GTSE1: variants seen among roughly 807,000 people sequenced by gnomAD.
The protein encoded by GTSE1 is G2 and S phase-expressed protein 1.
Under a neutral mutation model 60.5 loss-of-function variants are expected in GTSE1, and 52 were observed. The ratio of observed to expected loss-of-function variants is 0.86; its 90% confidence interval spans 0.69 to 1.08. GTSE1 has a LOEUF of 1.08. Among genes scored for constraint, GTSE1 ranks in the 50% least tolerant of loss-of-function variants. GTSE1 has a pLI of 0.00. For synonymous variants in GTSE1, 368 were observed against 386.5 expected, an observed-to-expected ratio of 0.95 and a Z score of 0.56; for missense variants, 937 against 961.8, an observed-to-expected ratio of 0.97 and a Z score of 0.34.
chr22:46,300,183 C>T (rs562792367), intron 2 of GTSE1, among the ~76,000 whole-genome samples: 2 of 151,812 alleles, frequency 1.3e-5, no homozygotes, highest in African/African-American at 2.4e-5. Flanking sequence ...CTGCAACCTC[C>T]GTCTCCTGGG....
chr22:46,311,876 A>G (rs937963438), intron 4 of GTSE1, among the ~76,000 whole-genome samples: 3 of 152,208 alleles, frequency 2.0e-5, no homozygotes, highest in Non-Finnish European at 2.9e-5. Flanking sequence ...GGCTTTAGAG[A>G]ACCTCTCTCC....
In GTSE1 at chr22:46,308,936, C is replaced by T. The variant is rs147669373; in HGVS notation, c.755C>T (p.Ala252Val). Residue 252 changes from alanine to valine, a missense_variant, in exon 4 of 12, where the codon GCG becomes GTG. Coordinates refer to ENST00000454366, the MANE Select transcript of GTSE1 (RefSeq NM_016426.7). ...AGAGGAAGAAGCATCCCTGGGGCTG[C>T]GGAGAAGGTAAATGCCACAGCAGAG... is the stretch of plus-strand genomic sequence containing the variant. ...SVRGRSIPGAAEKPKKEIPAS... is the reference protein window; with the variant it reads ...SVRGRSIPGAVEKPKKEIPAS... The T allele has an allele frequency of 6.1e-4, 989 of 1,608,316 alleles. 1 individual carries two copies. The highest frequency in any genetic ancestry group is 9.4e-4 in the Admixed American group (56 of 59,710).
intron 7 of GTSE1, among the ~76,000 whole-genome samples, chr22:46,322,644 G>A (rs2077820042): frequency 6.6e-6 from 1 of 152,146 alleles, no homozygotes. Flanking sequence ...TTTTCATCCT[G>A]TTGTGAATAT....
chr22:46,308,774 G>T lies in GTSE1; in HGVS notation c.593G>T (p.Arg198Leu), dbSNP rs201133511. The T allele has an allele frequency of 1.2e-6, 2 of 1,613,060 alleles. No individual in the cohort carries two copies. The highest frequency in any genetic ancestry group is 1.7e-6 in the Non-Finnish European group (2 of 1,179,960). The stretch of plus-strand genomic sequence containing the variant: ...CTGCCCAGCTCTGGTGCCCAGGCCC[G>T]CCTCACCCGGGCGCCGGGGCCTCCG... ...PALPSSGAQARLTRAPGPPHS... is the reference protein window; with the variant it reads ...PALPSSGAQALLTRAPGPPHS... The change falls in exon 4 of 12, where the codon CGC becomes CTC. Residue 198 changes from arginine to leucine, a missense_variant. Arg to Leu is a moderately radical substitution (Grantham distance 102). Transcript: ENST00000454366.
intron 9 of GTSE1, among the ~76,000 whole-genome samples, chr22:46,328,253 T>G (rs2077855022): frequency 6.6e-6 from 1 of 152,138 alleles, no homozygotes; most frequent in South Asian, 2.1e-4. Context: ...ATCAGGGCAC[T>G]GGGCAGCAGG....
chr22:46,303,538 G>A (rs375995804), intron 2 of GTSE1, among the ~76,000 whole-genome samples: 1 of 152,188 alleles, frequency 6.6e-6, no homozygotes, highest in African/African-American at 2.4e-5. Flanking sequence ...TTGCCTGACT[G>A]TGTTGCTTTA....
rs1213690247 is a variant in GTSE1, at chr22:46,329,769, C to T, written c.2136+202C>T. On this transcript the variant is annotated intron_variant, in intron 11 of 11. Coordinates refer to ENST00000454366, the MANE Select transcript of GTSE1 (RefSeq NM_016426.7). The surrounding 1 kb of genome is among the most constrained non-coding windows in gnomAD (Gnocchi z 6.4). ...TCTGAGGTGCCCTGCCAGGACCCTGCCAGCTCTTGTTGGACAGGGACCGCC... is the reference window on the plus strand; with the variant it reads ...TCTGAGGTGCCCTGCCAGGACCCTGTCAGCTCTTGTTGGACAGGGACCGCC... 6.6e-6 allele frequency among the ~76,000 whole-genome samples: 1 copy of T among 152,190 alleles called. No homozygotes were observed. The highest frequency in any genetic ancestry group is 2.4e-5 in the African/African-American group (1 of 41,452).
intron 2 of GTSE1, among the ~76,000 whole-genome samples, chr22:46,306,658 C>T (rs2077717260): frequency 6.6e-6 from 1 of 151,686 alleles, no homozygotes; most frequent in South Asian, 2.1e-4. Flanking sequence ...TTTTTTTATT[C>T]TTTATTTTTG....
chr22:46,299,737 T>TA (rs1235350867), intron 2 of GTSE1, among the ~76,000 whole-genome samples: 2 of 152,224 alleles, frequency 1.3e-5, no homozygotes, highest in Non-Finnish European at 2.9e-5. Flanking sequence ...TTCTACACAG[T>TA]AACGTCACCT....
chr22:46,301,782 C>G (rs900405347), intron 2 of GTSE1, among the ~76,000 whole-genome samples: 13 of 152,144 alleles, frequency 8.5e-5, no homozygotes, highest in African/African-American at 2.9e-4. Context: ...AGCCACAGCG[C>G]CCAGCCTCAT....
rs1401132320 is a variant in GTSE1, at chr22:46,297,750, A to G, written c.79+271A>G. On this transcript the variant is annotated intron_variant, in intron 2 of 11. Coordinates refer to ENST00000454366, the MANE Select transcript of GTSE1 (RefSeq NM_016426.7). The surrounding 1 kb of genome is among the most constrained non-coding windows in gnomAD (Gnocchi z 4.9). Reference sequence around the variant, plus strand: ...ACACTTTGTGGGCTCTCAAATATTTATTGTATTGAATTCGATGTTTTCTTT... The same window carrying G: ...ACACTTTGTGGGCTCTCAAATATTTGTTGTATTGAATTCGATGTTTTCTTT... Among the ~76,000 whole-genome samples, 3 of 151,958 alleles carry G rather than the reference A, an allele frequency of 2.0e-5. 1 individual carries two copies. In the South Asian group the frequency reaches 6.2e-4, roughly 32 times the overall value.
At position 46,326,517 on chromosome 22, in the gene GTSE1, C is replaced by G. The variant is rs371932078; in HGVS notation, c.1587C>G (p.Ala529=). 7 of 1,614,076 alleles carry G rather than the reference C, an allele frequency of 4.3e-6. No individual in the cohort carries two copies. In the African/African-American group the frequency reaches 8.0e-5, roughly 18 times the overall value. ...TGCTGAGCGCATGGCGTGTGTCAGC[C>G]TTGCCCACACCCGCCAGCCGGCGCT... ...QSLLSAWRVS[A]LPTPASRRCS... The change falls in exon 9 of 12, where the codon GCC becomes GCG. Residue 529 remains alanine, a synonymous_variant. Coordinates refer to ENST00000454366, the MANE Select transcript of GTSE1 (RefSeq NM_016426.7).
At chr22:46,307,553 G>C (rs974973279) in intron 2 of GTSE1, among the ~76,000 whole-genome samples, 1 of 151,954 alleles carries the variant, frequency 6.6e-6, no homozygotes, top group East Asian at 1.9e-4. Flanking sequence ...ACCCAGGCTG[G>C]AGTGCAGTGG....
rs2077725719 is a variant in GTSE1, at chr22:46,308,155, C to A, written c.85C>A (p.Leu29Ile). The A allele has an allele frequency of 6.2e-7, 1 of 1,609,538 alleles. No individual in the cohort carries two copies. The highest frequency in any genetic ancestry group is 8.5e-7 in the Non-Finnish European group (1 of 1,176,018). Reference protein sequence around the residue: ...NMDDPKKEDILLLADEKFDFD... With the variant: ...NMDDPKKEDIILLADEKFDFD... Reference sequence around the variant, plus strand: ...AGTGGATTTTTTCCCTCTAGACATTCTTCTTTTGGCCGATGAAAAATTTGA... The same window carrying A: ...AGTGGATTTTTTCCCTCTAGACATTATTCTTTTGGCCGATGAAAAATTTGA... The change falls in exon 3 of 12, where the codon CTT becomes ATT. Residue 29 changes from leucine to isoleucine, a missense_variant. Physicochemically the swap from Leu to Ile is conservative, Grantham distance 5. Coordinates refer to ENST00000454366, the MANE Select transcript of GTSE1 (RefSeq NM_016426.7).
rs202151215 is a variant in GTSE1 at position 46,308,502 on chromosome 22, A to C, written c.321A>C (p.Leu107Phe). The C allele has an allele frequency of 1.1e-5, 17 of 1,614,218 alleles. No homozygotes were observed. In the East Asian group the frequency reaches 3.8e-4, roughly 36 times the overall value. The change falls in exon 4 of 12, where the codon TTA becomes TTC. Residue 107 changes from leucine to phenylalanine, a missense_variant. By Grantham distance (22) the Leu-to-Phe change is conservative (BLOSUM62 0). Transcript: ENST00000454366. ...KFVEVYKEAH[L>F]LALHIESSSR... The stretch of plus-strand genomic sequence containing the variant: ...TGGAGGTGTACAAAGAAGCTCACTT[A>C]CTGGCTTTACACATTGAGAGCAGCA...
chr22:46,297,516 G>T lies in GTSE1; in HGVS notation c.79+37G>T. On this transcript the variant is annotated intron_variant, in intron 2 of 11. Coordinates refer to ENST00000454366, the MANE Select transcript of GTSE1 (RefSeq NM_016426.7). The surrounding 1 kb of genome is among the most constrained non-coding windows in gnomAD (Gnocchi z 4.9). Reference sequence around the variant, plus strand: ...CTGCTGCGGCGCTGTTGTTGTTCAGGATGTTCAGTAGAGATGGAGGGTGAT... The same window carrying T: ...CTGCTGCGGCGCTGTTGTTGTTCAGTATGTTCAGTAGAGATGGAGGGTGAT... 1 of 1,423,876 alleles carries T rather than the reference G, an allele frequency of 7.0e-7. No homozygotes were observed. The highest frequency in any genetic ancestry group is 1.2e-5 in the South Asian group (1 of 86,924). 88.2% of individuals were successfully genotyped at this position (1,423,876 alleles called of 1,614,324 possible). A position where few individuals can be genotyped will look rare whatever the true frequency, so the allele number is the denominator to read the frequency against.
intron 2 of GTSE1, among the ~76,000 whole-genome samples, chr22:46,307,790 C>A (rs974648269): frequency 3.3e-5 from 5 of 151,020 alleles, no homozygotes; most frequent in African/African-American, 1.2e-4. Context: ...CATAAGCCAC[C>A]GCCCCCAGCC....
rs191373175 is a variant in GTSE1 at position 46,319,142 on chromosome 22, C to T, written c.1432+2730C>T. On this transcript the variant is annotated intron_variant, in intron 7 of 11. Coordinates refer to ENST00000454366, the MANE Select transcript of GTSE1 (RefSeq NM_016426.7). This position sits in a 1 kb window ranked among gnomAD's most constrained non-coding sequence, Gnocchi z 5.0. ...CTAGCAACCTCAGCCAGTCAGTGACCGAGGGGCAGGGTAAGAAGAGATGAA... is the reference window on the plus strand; with the variant it reads ...CTAGCAACCTCAGCCAGTCAGTGACTGAGGGGCAGGGTAAGAAGAGATGAA... Among the ~76,000 whole-genome samples, 13 of 152,258 alleles carry T rather than the reference C, an allele frequency of 8.5e-5. 1 individual carries two copies. The East Asian group carries it at 9.6e-4, about 11-fold the overall frequency.
chr22:46,317,729 C>T lies in GTSE1; in HGVS notation c.1432+1317C>T, dbSNP rs2077789376. Among the ~76,000 whole-genome samples, 1 of 152,228 alleles carries T rather than the reference C, an allele frequency of 6.6e-6. No homozygotes were observed. Among genetic ancestry groups the T allele is most frequent in the African/African-American group, 2.4e-5 (1 of 41,458 alleles). On this transcript the variant is annotated intron_variant, in intron 7 of 11. Coordinates refer to ENST00000454366, the MANE Select transcript of GTSE1 (RefSeq NM_016426.7). The surrounding 1 kb of genome is among the most constrained non-coding windows in gnomAD (Gnocchi z 5.6). Reference sequence around the variant, plus strand: ...TGGTGGGTCTAGCATAGCCTTTCCGCCTCCCGCCACCGGCGTCCTTCCCAA... The same window carrying T: ...TGGTGGGTCTAGCATAGCCTTTCCGTCTCCCGCCACCGGCGTCCTTCCCAA...
Sources: allele counts gnomAD v4.1 joint callset (sites outside exome capture counted in the v4.1 genomes callset), GRCh38; gene constraint gnomAD v4.1.1; non-coding constraint Gnocchi (gnomAD v3.1); transcripts MANE v1.5; gene names NCBI Gene and HGNC (gene_info 2026-07-23, HGNC 2026-07-21).